OC90: variants seen among roughly 807,000 people sequenced by gnomAD.
The protein encoded by OC90 is otoconin-90.
A neutral mutation model predicts 47.3 loss-of-function variants in OC90; 46 were observed. That is an observed-to-expected ratio of 0.97 (90% CI 0.77 to 1.24). The LOEUF (loss-of-function observed/expected upper bound fraction) is 1.24. Ranked by LOEUF, OC90 falls within the 50% of genes most tolerant of loss-of-function variation. The pLI is 0.00. For synonymous variants in OC90, 271 were observed against 219.5 expected (o/e 1.23, Z -2.07); for missense variants, 688 against 583.9 (o/e 1.18, Z -1.84).
intron 4 of OC90, 84 bp downstream of exon 4, chr8:132,044,349 G>T: frequency 2.5e-6 from 2 of 791,192 alleles, no homozygotes; most frequent in South Asian, 3.0e-5. Flanking sequence ...CGAGGGTTGA[G>T]ACCAAGGCCC....
At chr8:132,045,943 A>G in intron 2 of OC90, 60 bp from the exon 3 acceptor site, 1 of 962,738 alleles carries the variant, frequency 1.0e-6, no homozygotes, top group Non-Finnish European at 1.6e-6. Context: ...CACTTGCTGG[A>G]CTAAGGCCAG....
intron 2 of OC90, among the ~76,000 whole-genome samples, chr8:132,049,300 G>C (rs1057351164): frequency 6.8e-6 from 1 of 146,834 alleles, no homozygotes; most frequent in East Asian, 1.9e-4. Context: ...GATTCTCTAA[G>C]ATCTCCAGCT....
intron 13 of OC90, among the ~76,000 whole-genome samples, chr8:132,028,640 A>AGGG (rs1822809278): frequency 9.3e-6 from 1 of 107,448 alleles, no homozygotes; most frequent in Non-Finnish European, 2.0e-5. Flanking sequence ...GAAGGAAAGA[A>AGGG]AGGAAGGAAG....
rs902385596 is a variant in OC90, at chr8:132,027,773, C to T, written c.1138+1300G>A. Among the ~76,000 whole-genome samples, 7 of 152,176 alleles carry T rather than the reference C, an allele frequency of 4.6e-5. No individual in the cohort carries two copies. The East Asian group carries it at 5.8e-4, about 13-fold the overall frequency. ...ATAGAGAGGAGTGGAGCTGCAGGCA[C>T]GCCTTGCTCTTCAGCCAGGGCCAGT... On this transcript the variant is annotated intron_variant, in intron 13 of 13. Coordinates refer to ENST00000254627, the MANE Select transcript of OC90 (RefSeq NM_001080399.3).
intron 13 of OC90, among the ~76,000 whole-genome samples, chr8:132,028,620 A>G (rs1586705593): frequency 2.2e-5 from 1 of 44,502 alleles, no homozygotes; most frequent in Non-Finnish European, 5.2e-5. Flanking sequence ...GGAAGGAGGA[A>G]GGAAGGAAGG....
At chr8:132,039,311 C>T (rs1006219334) in intron 6 of OC90, among the ~76,000 whole-genome samples, 188 bp from the exon 7 acceptor site, 1 of 152,000 alleles carries the variant, frequency 6.6e-6, no homozygotes, top group Non-Finnish European at 1.5e-5. Context: ...ATACCCACTC[C>T]TCTTCTCTCA....
At chr8:132,027,582 G>T (rs1367679142) in intron 13 of OC90, among the ~76,000 whole-genome samples, 2 of 152,238 alleles carry the variant, frequency 1.3e-5, no homozygotes, top group African/African-American at 2.4e-5. Context: ...TAAGGGAAAT[G>T]CATCCACCGA....
At position 132,042,971 on chromosome 8, in the gene OC90, T is replaced by G. The variant is rs567485434; in HGVS notation, c.170-1272A>C. On this transcript the variant is annotated intron_variant, in intron 4 of 13. Transcript: ENST00000254627. ...CAAAAAGACACATGCATCTGTATGT[T>G]CATTGCAGCACCATTCACAATAGCA... Among the ~76,000 whole-genome samples, 11 of 152,368 alleles carry G rather than the reference T, an allele frequency of 7.2e-5. No individual in the cohort carries two copies. The South Asian group carries it at 2.3e-3, about 32-fold the overall frequency.
At chr8:132,036,531 G>C (rs1216586012) in intron 9 of OC90, 1 of 745,710 alleles carries the variant, frequency 1.3e-6, no homozygotes, top group East Asian at 2.5e-5. Context: ...AGGGTAATCC[G>C]ATCAGGGCAT....
rs955036796 is a variant in OC90 at position 132,044,566 on chromosome 8, G to A, written c.113-77C>T. 3.7e-6 allele frequency: 3 copies of A among 817,264 alleles called. No homozygotes were observed. In the East Asian group the frequency reaches 8.0e-5, roughly 22 times the overall value. 50.6% of individuals were successfully genotyped at this position (817,264 alleles called of 1,614,324 possible). On this transcript the variant is annotated intron_variant, in intron 3 of 13. Coordinates refer to ENST00000254627, the MANE Select transcript of OC90 (RefSeq NM_001080399.3). The stretch of plus-strand genomic sequence containing the variant: ...CTTCCCTGTCCACCCTCTAGGTAAA[G>A]TGTACATAAAACCTTTCTTCATTCT...
At chr8:132,047,055 A>T (rs1232015385) in intron 2 of OC90, among the ~76,000 whole-genome samples, 2 of 152,216 alleles carry the variant, frequency 1.3e-5, no homozygotes, top group Non-Finnish European at 2.9e-5. Context: ...AGCAGGAAAC[A>T]CTTCCATACA....
chr8:132,028,449 C>T (rs542542457), intron 13 of OC90, among the ~76,000 whole-genome samples: 43 of 150,766 alleles, frequency 2.9e-4, no homozygotes, highest in African/African-American at 1.0e-3. Flanking sequence ...TTGCAGTGAG[C>T]CAAGATTGTA....
At chr8:132,055,139 A>T (rs1007689577) in intron 1 of OC90, 66 bp from the exon 2 acceptor site, 46 of 857,856 alleles carry the variant, frequency 5.4e-5, no homozygotes, top group Non-Finnish European at 7.7e-5. Flanking sequence ...AACCCATGGG[A>T]CCCCCATGTC....
chr8:132,053,605 G>T (rs1183598532), intron 2 of OC90, among the ~76,000 whole-genome samples: 1 of 152,186 alleles, frequency 6.6e-6, no homozygotes, highest in Non-Finnish European at 1.5e-5. Flanking sequence ...AACCAGGATT[G>T]CACAAAACCC....
chr8:132,029,325 C>T (rs974886551), intron 12 of OC90, 146 bp from the exon 13 acceptor site: 3 of 652,702 alleles, frequency 4.6e-6, no homozygotes, highest in African/African-American at 1.8e-5. Flanking sequence ...GACTCATATA[C>T]ACACCAAGGG....
intron 2 of OC90, among the ~76,000 whole-genome samples, chr8:132,049,483 A>G (rs1823184196): frequency 6.6e-6 from 1 of 152,216 alleles, no homozygotes; most frequent in Admixed American, 6.5e-5. Flanking sequence ...GTCAGGGTGT[A>G]TGAATGCATA....
chr8:132,033,011 G>A (rs552682386), intron 11 of OC90, 28 bp downstream of exon 11: 36 of 1,601,480 alleles, frequency 2.2e-5, no homozygotes, highest in Admixed American at 1.0e-4. Context: ...TCCCAGCAGC[G>A]GAGAGGACAG....
chr8:132,045,312 C>A (rs963312409), intron 3 of OC90, among the ~76,000 whole-genome samples: 1 of 152,204 alleles, frequency 6.6e-6, no homozygotes, highest in South Asian at 2.1e-4. Context: ...ACATCACCAG[C>A]GAATTCACTA....
chr8:132,037,711 A>G (rs1006709555), intron 8 of OC90, among the ~76,000 whole-genome samples: 5 of 152,204 alleles, frequency 3.3e-5, no homozygotes, highest in Non-Finnish European at 5.9e-5. Context: ...AGGAGGGAGC[A>G]CAGCCACAGC....
Sources: gnomAD v4.1 joint callset for allele counts (sites outside exome capture counted in the v4.1 genomes callset) on GRCh38, gnomAD v4.1.1 for gene constraint, MANE v1.5 for transcripts, NCBI Gene and HGNC (gene_info 2026-07-23, HGNC 2026-07-21) for gene names.